PLD5: variants seen among roughly 807,000 people sequenced by gnomAD.
PLD5 encodes phospholipase D family member 5, also known as inactive phospholipase D5.
In PLD5, 36 loss-of-function variants were observed where a neutral mutation model predicts 61.1. That is an observed-to-expected ratio of 0.59 (90% CI 0.45 to 0.78). PLD5 has a LOEUF of 0.78. PLD5 is among the 30% of genes least tolerant of loss of function. The pLI is 0.00. For missense variants in PLD5, 515 were observed against 644.4 expected (o/e 0.80, Z 2.17); for synonymous variants, 243 against 242.8 (o/e 1.00, Z -0.01).
chr1:242,169,782 T>C (rs1413098681), intron 5 of PLD5, among the ~76,000 whole-genome samples: 1 of 152,084 alleles, frequency 6.6e-6, no homozygotes, highest in Non-Finnish European at 1.5e-5. Flanking sequence ...CTTGAGTAGG[T>C]GGTATTACCC....
chr1:242,208,519 A>G (rs1332723581), intron 5 of PLD5, among the ~76,000 whole-genome samples: 1 of 152,290 alleles, frequency 6.6e-6, no homozygotes, highest in East Asian at 1.9e-4. Flanking sequence ...ACAGCATTTC[A>G]TAACACACAC....
chr1:242,298,290 C>G (rs1024365969), intron 2 of PLD5, among the ~76,000 whole-genome samples: 1 of 152,086 alleles, frequency 6.6e-6, no homozygotes, highest in Non-Finnish European at 1.5e-5. Context: ...GTTTTCGGAG[C>G]GAGACAGTAT....
chr1:242,322,800 G>A (rs1313710706), intron 2 of PLD5, among the ~76,000 whole-genome samples: 4 of 152,152 alleles, frequency 2.6e-5, no homozygotes, highest in Admixed American at 2.0e-4. Flanking sequence ...GGTCTCCCCA[G>A]CCATGCAGAA....
chr1:242,091,365 T>C (rs1659807378), intron 9 of PLD5, among the ~76,000 whole-genome samples: 1 of 152,124 alleles, frequency 6.6e-6, no homozygotes, highest in Non-Finnish European at 1.5e-5. Flanking sequence ...CTTCAAGGTG[T>C]GGGGGAAGCA....
chr1:242,161,876 C>T (rs547274001), intron 5 of PLD5, among the ~76,000 whole-genome samples: 1 of 152,186 alleles, frequency 6.6e-6, no homozygotes, highest in Admixed American at 6.5e-5. Context: ...GGAGCTGCTA[C>T]GGTAAAGGGG....
chr1:242,475,642 C>T (rs1572211283), intron 1 of PLD5, among the ~76,000 whole-genome samples: 1 of 152,268 alleles, frequency 6.6e-6, no homozygotes, highest in East Asian at 1.9e-4. Flanking sequence ...CTGGGCTCAA[C>T]TGTGCTCCCC....
intron 4 of PLD5, among the ~76,000 whole-genome samples, chr1:242,247,822 T>TA: frequency 6.6e-6 from 1 of 152,216 alleles, no homozygotes; most frequent in Non-Finnish European, 1.5e-5. Context: ...TGTTTAATTC[T>TA]AAAAACCGTG....
intron 4 of PLD5, among the ~76,000 whole-genome samples, chr1:242,237,753 G>GGCTC (rs1339399503): frequency 6.6e-6 from 1 of 152,200 alleles, no homozygotes; most frequent in Non-Finnish European, 1.5e-5. Context: ...CACCTGCTAT[G>GGCTC]GCTCACCTGT....
chr1:242,492,890 G>C (rs2102978975), intron 1 of PLD5, among the ~76,000 whole-genome samples: 1 of 152,160 alleles, frequency 6.6e-6, no homozygotes, highest in Middle Eastern at 3.4e-3. Context: ...TCATGAGAGT[G>C]CCACCCTCAT....
In PLD5 at chr1:242,524,292, C is replaced by T; in HGVS notation, c.-16G>A. ...GGATCTCCATCCTGACATGACCGGGCGGCCGCCGGCGAGCAGCGGACTCGG... is the reference window on the plus strand; with the variant it reads ...GGATCTCCATCCTGACATGACCGGGTGGCCGCCGGCGAGCAGCGGACTCGG... On this transcript the variant is annotated 5_prime_UTR_variant, in exon 1 of 10. Coordinates refer to ENST00000536534, the MANE Select transcript of PLD5 (RefSeq NM_001372062.1). The T allele has an allele frequency of 2.9e-6, 4 of 1,382,056 alleles. No individual in the cohort carries two copies. The highest frequency in any genetic ancestry group is 1.6e-5 in the South Asian group (1 of 61,670). The allele number at this position is 1,382,056 out of a possible 1,614,324, so 85.6% of individuals were successfully genotyped here.
chr1:242,450,149 G>C (rs1666723922), intron 1 of PLD5, among the ~76,000 whole-genome samples: 1 of 152,142 alleles, frequency 6.6e-6, no homozygotes, highest in Non-Finnish European at 1.5e-5. Context: ...ACGTTTTATC[G>C]TTTAAAAATT....
chr1:242,263,941 C>T (rs952398682), intron 4 of PLD5, among the ~76,000 whole-genome samples: 9 of 152,180 alleles, frequency 5.9e-5, no homozygotes, highest in Non-Finnish European at 1.2e-4. Context: ...TTAGCATGGG[C>T]TATGGCAAGA....
chr1:242,202,397 A>T (rs1373723272), intron 5 of PLD5, among the ~76,000 whole-genome samples: 5 of 152,150 alleles, frequency 3.3e-5, no homozygotes, highest in Admixed American at 6.5e-5. Flanking sequence ...TATTGAGCTT[A>T]CAATGTGTAA....
intron 1 of PLD5, among the ~76,000 whole-genome samples, chr1:242,463,471 A>G (rs954463650): frequency 6.6e-6 from 1 of 152,076 alleles, no homozygotes; most frequent in African/African-American, 2.4e-5. Context: ...TACTCCATTC[A>G]TTCATCCAGT....
intron 1 of PLD5, among the ~76,000 whole-genome samples, chr1:242,460,658 T>A (rs895280448): frequency 1.3e-4 from 20 of 151,692 alleles, no homozygotes; most frequent in African/African-American, 4.8e-4. Flanking sequence ...TACACACACA[T>A]CCCCAAGTGT....
chr1:242,292,800 G>A (rs1301580797), intron 2 of PLD5, among the ~76,000 whole-genome samples: 1 of 152,194 alleles, frequency 6.6e-6, no homozygotes, highest in Non-Finnish European at 1.5e-5. Context: ...GTGTGGTAGT[G>A]ACCGGATCTT....
At chr1:242,480,637 C>T (rs1667741244) in intron 1 of PLD5, among the ~76,000 whole-genome samples, 1 of 152,032 alleles carries the variant, frequency 6.6e-6, no homozygotes, top group Admixed American at 6.5e-5. Flanking sequence ...GTAGAAAGAT[C>T]TCTTAATATT....
In PLD5 at chr1:242,265,211, T is replaced by G; in HGVS notation, c.607+126A>C. 4 of 1,200,868 alleles carry G rather than the reference T, an allele frequency of 3.3e-6. No homozygotes were observed. The South Asian group carries it at 9.3e-5, about 28-fold the overall frequency. The allele number at this position is 1,200,868 out of a possible 1,614,324, so 74.4% of individuals were successfully genotyped here. A position where few individuals can be genotyped will look rare whatever the true frequency, so the allele number is the denominator to read the frequency against. ...CTTTAATCGAGTTATTTTTCAAAGA[T>G]GTAAATGTACTATGTACTAAGTGAA... On this transcript the variant is annotated intron_variant, in intron 4 of 9. Transcript: ENST00000536534.
At chr1:242,223,158 G>A (rs1339160786) in intron 4 of PLD5, among the ~76,000 whole-genome samples, 3 of 152,152 alleles carry the variant, frequency 2.0e-5, no homozygotes, top group African/African-American at 7.2e-5. Context: ...TCCTCATGTG[G>A]TGGAAAACAT....
Sources: allele counts gnomAD v4.1 joint callset (sites outside exome capture counted in the v4.1 genomes callset), GRCh38; gene constraint gnomAD v4.1.1; transcripts MANE v1.5; gene names NCBI Gene and HGNC (gene_info 2026-07-23, HGNC 2026-07-21).